The following TMOD3 variants were observed in gnomAD, a reference collection of about 807,000 sequenced individuals.
The protein encoded by TMOD3 is tropomodulin 3.
A neutral mutation model predicts 39.2 loss-of-function variants in TMOD3; 20 were observed. The ratio of observed to expected loss-of-function variants is 0.51; its 90% CI spans 0.36 to 0.74. The LOEUF (loss-of-function observed/expected upper bound fraction) is 0.74. Ranked by LOEUF, TMOD3 falls within the 30% of genes least tolerant of loss-of-function variation. TMOD3 has a pLI of 0.00. For synonymous variants in TMOD3, 143 were observed against 145.8 expected (o/e 0.98, Z 0.14); for missense variants, 381 against 412.8 (o/e 0.92, Z 0.67).
At chr15:51,872,600 GT>G (rs58973705) in intron 3 of TMOD3, among the ~76,000 whole-genome samples, 55 of 129,820 alleles carry the variant, frequency 4.2e-4, no homozygotes, top group Middle Eastern at 3.9e-3. Flanking sequence ...GACCAAATTT[GT>G]TTTTTTTTTT....
intron 1 of TMOD3, chr15:51,860,248 G>A (rs2056410321): frequency 3.9e-6 from 2 of 511,692 alleles, no homozygotes. Flanking sequence ...TCAAATCGCT[G>A]TGCAGTTGAA....
intron 1 of TMOD3, among the ~76,000 whole-genome samples, chr15:51,847,028 A>G (rs1332252287): frequency 1.3e-5 from 2 of 152,100 alleles, no homozygotes; most frequent in East Asian, 1.9e-4. Flanking sequence ...CACTAAGAAG[A>G]AGAAAAAGGG....
intron 2 of TMOD3, 116 bp downstream of exon 2, chr15:51,863,126 T>C: frequency 9.6e-7 from 1 of 1,039,304 alleles, no homozygotes; most frequent in East Asian, 2.7e-5. Flanking sequence ...TTTCCTCCAC[T>C]TTATCCAAAT....
chr15:51,869,458 G>C, intron 3 of TMOD3, 85 bp downstream of exon 3: 1 of 1,322,844 alleles, frequency 7.6e-7, no homozygotes, highest in Non-Finnish European at 1.1e-6. Context: ...CATATTTTTA[G>C]AGGTACATCA....
At chr15:51,894,636 G>C (rs1225419811) in intron 6 of TMOD3, among the ~76,000 whole-genome samples, 5 of 151,992 alleles carry the variant, frequency 3.3e-5, no homozygotes, top group Non-Finnish European at 7.4e-5. Context: ...CTATTATTTT[G>C]CCTTCTCCAG....
At chr15:51,902,644 A>ATTTTTTTTTTT (rs200954393) in intron 9 of TMOD3, among the ~76,000 whole-genome samples, 3 of 94,980 alleles carry the variant, frequency 3.2e-5, no homozygotes, top group African/African-American at 4.3e-5. Context: ...TAATTTTTGT[A>ATTTTTTTTTTT]TTTTTTTTTT....
chr15:51,841,927 G>A lies in TMOD3; in HGVS notation c.-75+12091G>A, dbSNP rs954522944. ...TGGGATTACAGGCATGGGCCACCAC[G>A]CCTGGCTAATTTTTTTTTATGTACT... On this transcript the variant is annotated intron_variant, in intron 1 of 9. Transcript: ENST00000308580. 4.6e-5 allele frequency among the ~76,000 whole-genome samples: 7 copies of A among 151,990 alleles called. No homozygotes were observed. The East Asian group carries it at 5.8e-4, about 13-fold the overall frequency.
chr15:51,837,663 G>A (rs1014970756), intron 1 of TMOD3, among the ~76,000 whole-genome samples: 5 of 152,054 alleles, frequency 3.3e-5, no homozygotes, highest in Admixed American at 6.6e-5. Context: ...CAAGGCCTTC[G>A]GGGCAGGTGG....
At chr15:51,848,769 A>G (rs1270935118) in intron 1 of TMOD3, among the ~76,000 whole-genome samples, 1 of 152,260 alleles carries the variant, frequency 6.6e-6, no homozygotes, top group African/African-American at 2.4e-5. Flanking sequence ...AGTTTTCTTC[A>G]GCATGAAAGG....
chr15:51,887,742 A>G, intron 4 of TMOD3, 31 bp downstream of exon 4: 1 of 1,613,070 alleles, frequency 6.2e-7, no homozygotes, highest in South Asian at 1.1e-5. Context: ...ATTTGTGAAT[A>G]AGTGTGGGGT....
At chr15:51,878,350 TAAC>T (rs2141694588) in intron 3 of TMOD3, among the ~76,000 whole-genome samples, 1 of 150,378 alleles carries the variant, frequency 6.6e-6, no homozygotes, top group African/African-American at 2.5e-5. Context: ...CTGGCCAACA[TAAC>T]AAGAACCATC....
At chr15:51,899,104 T>C (rs1051179850) in intron 7 of TMOD3, 1 of 152,280 alleles carries the variant, frequency 6.6e-6, no homozygotes, top group Non-Finnish European at 1.5e-5. Context: ...TTTTCTGGCC[T>C]TCTGCCTTGA....
intron 5 of TMOD3, chr15:51,892,303 A>G (rs573771585): frequency 2.6e-5 from 4 of 151,472 alleles, no homozygotes; most frequent in Non-Finnish European, 4.4e-5. Flanking sequence ...TTTGACTTGA[A>G]TGACCACAAA....
intron 9 of TMOD3, among the ~76,000 whole-genome samples, chr15:51,902,712 C>T (rs559635727): frequency 1.4e-5 from 2 of 146,236 alleles, no homozygotes; most frequent in South Asian, 2.2e-4. Flanking sequence ...TGCAGTGGCA[C>T]GATCTCGGCT....
chr15:51,854,015 G>T (rs980737636), intron 1 of TMOD3, among the ~76,000 whole-genome samples: 62 of 152,246 alleles, frequency 4.1e-4, no homozygotes, highest in African/African-American at 1.4e-3. Flanking sequence ...GAGGCCTAAA[G>T]TTTGTGGCCT....
At chr15:51,895,562 CTAAA>C (rs1414407665) in intron 6 of TMOD3, among the ~76,000 whole-genome samples, 1 of 151,988 alleles carries the variant, frequency 6.6e-6, no homozygotes, top group Non-Finnish European at 1.5e-5. Context: ...ATCCCTTTCT[CTAAA>C]TAAACAGTAA....
chr15:51,899,695 A>T (rs1056394338), intron 7 of TMOD3, among the ~76,000 whole-genome samples: 2 of 152,066 alleles, frequency 1.3e-5, no homozygotes, highest in Non-Finnish European at 2.9e-5. Context: ...AAAAGTAGAT[A>T]CAGTCATCCA....
intron 5 of TMOD3, among the ~76,000 whole-genome samples, chr15:51,893,253 C>T (rs144601843): frequency 8.2e-6 from 1 of 121,746 alleles, no homozygotes. Context: ...CAAGATCTTG[C>T]TACTGCACTC....
At chr15:51,895,068 T>G (rs895453454) in intron 6 of TMOD3, among the ~76,000 whole-genome samples, 1 of 152,150 alleles carries the variant, frequency 6.6e-6, no homozygotes, top group Non-Finnish European at 1.5e-5. Context: ...AAACTTGATT[T>G]TTTTGAAGTC....
Sources: allele counts gnomAD v4.1 joint callset (sites outside exome capture counted in the v4.1 genomes callset), GRCh38; gene constraint gnomAD v4.1.1; transcripts MANE v1.5; gene names NCBI Gene and HGNC (gene_info 2026-07-23, HGNC 2026-07-21).